The following FZD3 variants were observed in gnomAD, a reference collection of about 807,000 sequenced individuals.
FZD3 encodes frizzled class receptor 3, also known as frizzled-3.
In FZD3, 30 loss-of-function variants were observed where a neutral mutation model predicts 60.7. That is an observed-to-expected ratio of 0.49 (90% confidence interval 0.37 to 0.67). FZD3 has a LOEUF of 0.67. FZD3 is among the 30% of genes least tolerant of loss of function. The pLI, the probability that FZD3 is intolerant of heterozygous loss-of-function variation, is 0.00. For missense variants in FZD3, 605 were observed against 838.7 expected, an observed-to-expected ratio of 0.72 and a Z score of 3.44; for synonymous variants, 246 against 275.2, an observed-to-expected ratio of 0.89 and a Z score of 1.05.
intron 1 of FZD3, among the ~76,000 whole-genome samples, chr8:28,498,668 C>T (rs977268085): frequency 3.3e-5 from 5 of 152,206 alleles, no homozygotes; most frequent in Non-Finnish European, 7.3e-5. Flanking sequence ...ACCTCCACCT[C>T]TCATGTTGAA....
chr8:28,500,150 CCTT>C (rs1803950653), intron 2 of FZD3, among the ~76,000 whole-genome samples, 172 bp downstream of exon 2: 1 of 151,998 alleles, frequency 6.6e-6, no homozygotes, highest in Non-Finnish European at 1.5e-5. Flanking sequence ...CTGTTTTTTC[CCTT>C]CTTTTAATAA....
chr8:28,536,747 A>G (rs1805025933), intron 5 of FZD3, among the ~76,000 whole-genome samples: 1 of 152,156 alleles, frequency 6.6e-6, no homozygotes, highest in Non-Finnish European at 1.5e-5. Flanking sequence ...AAAAAATATT[A>G]TTTCTGTTCT....
At chr8:28,499,499 A>C (rs1252560994) in intron 1 of FZD3, among the ~76,000 whole-genome samples, 1 of 152,086 alleles carries the variant, frequency 6.6e-6, no homozygotes, top group Admixed American at 6.5e-5. Context: ...TTGGTTGTGC[A>C]TCATGTGTAC....
At chr8:28,539,903 A>T (rs971223069) in intron 5 of FZD3, among the ~76,000 whole-genome samples, 1 of 152,134 alleles carries the variant, frequency 6.6e-6, no homozygotes, top group African/African-American at 2.4e-5. Flanking sequence ...TTTCACCCTT[A>T]GCATGAGTAG....
intron 5 of FZD3, among the ~76,000 whole-genome samples, chr8:28,550,182 A>G (rs1255297268): frequency 6.6e-6 from 1 of 151,930 alleles, no homozygotes; most frequent in Non-Finnish European, 1.5e-5. Flanking sequence ...TTTCTTCTAT[A>G]ATATATCTGT....
intron 2 of FZD3, among the ~76,000 whole-genome samples, chr8:28,501,011 C>T (rs1437909640): frequency 1.3e-5 from 2 of 152,170 alleles, no homozygotes; most frequent in Non-Finnish European, 2.9e-5. Flanking sequence ...CCGCCTGCCT[C>T]GGCCTCCCAA....
chr8:28,526,902 GT>G (rs1166916281), intron 4 of FZD3, among the ~76,000 whole-genome samples: 1 of 152,060 alleles, frequency 6.6e-6, no homozygotes, highest in Non-Finnish European at 1.5e-5. Context: ...ACACAACCTT[GT>G]TTTCTTTGTC....
At chr8:28,530,710 T>A (rs923355994) in intron 5 of FZD3, among the ~76,000 whole-genome samples, 3 of 152,158 alleles carry the variant, frequency 2.0e-5, no homozygotes, top group African/African-American at 7.2e-5. Context: ...TTCCTCTTAT[T>A]CACTCCCCAG....
At chr8:28,510,432 G>A (rs1195836017) in intron 3 of FZD3, among the ~76,000 whole-genome samples, 3 of 152,142 alleles carry the variant, frequency 2.0e-5, no homozygotes, top group Non-Finnish European at 4.4e-5. Context: ...ATGTGTGAGA[G>A]TATCTGTTTC....
chr8:28,551,556 A>T, intron 5 of FZD3, 47 bp from the exon 6 acceptor site: 1 of 1,395,624 alleles, frequency 7.2e-7, no homozygotes, highest in Non-Finnish European at 1.0e-6. Context: ...CCTTTAATAG[A>T]AAGTTATTTT....
At chr8:28,521,018 AAAG>A (rs1219862955) in intron 4 of FZD3, among the ~76,000 whole-genome samples, 184 bp downstream of exon 4, 2 of 152,236 alleles carry the variant, frequency 1.3e-5, no homozygotes, top group Non-Finnish European at 2.9e-5. Context: ...ACTAAATGAA[AAAG>A]AAAACATTTC....
chr8:28,555,755 G>A lies in FZD3; in HGVS notation c.1571G>A (p.Arg524Gln), dbSNP rs200536072. 7.8e-5 allele frequency: 126 copies of A among 1,606,720 alleles called. No individual in the cohort carries two copies. Among genetic ancestry groups the A allele is most frequent in the African/African-American group, 3.5e-4 (26 of 74,862 alleles). The stretch of plus-strand genomic sequence containing the variant: ...TTGTCTAGGATAGTGAATGAGAGCC[G>A]ACAGGTACTCCAGGAACCTGATTTT... ...RRKKEIVNES[R>Q]QVLQEPDFAQ... The change falls in exon 7 of 8, where the codon CGA (arginine) becomes CAA (glutamine). Residue 524 changes from arginine (R) to glutamine (Q), a missense_variant. By Grantham distance (43) the Arg-to-Gln change is conservative (BLOSUM62 1). Coordinates refer to ENST00000240093, the MANE Select transcript of FZD3 (RefSeq NM_017412.4).
At chr8:28,514,169 T>C (rs2130324226) in intron 3 of FZD3, among the ~76,000 whole-genome samples, 1 of 152,312 alleles carries the variant, frequency 6.6e-6, no homozygotes, top group Middle Eastern at 3.4e-3. Context: ...TCAATAAGAA[T>C]CTTTATAATT....
intron 1 of FZD3, among the ~76,000 whole-genome samples, chr8:28,496,167 A>G (rs867233853): frequency 2.0e-5 from 3 of 152,238 alleles, no homozygotes; most frequent in Admixed American, 2.0e-4. Flanking sequence ...CTTTCTTTGT[A>G]TAGAACAAAG....
At chr8:28,556,874 A>C (rs1805518511) in intron 7 of FZD3, among the ~76,000 whole-genome samples, 1 of 152,172 alleles carries the variant, frequency 6.6e-6, no homozygotes, top group African/African-American at 2.4e-5. Flanking sequence ...TTTCACAGAG[A>C]AAATGTTTGA....
rs866621611 is a variant in FZD3 at position 28,574,256 on chromosome 8, C to G, written c.*11245C>G. On this transcript the variant is annotated 3_prime_UTR_variant, in exon 8 of 8. Transcript: ENST00000240093. ...AGATTTTTAATAAAATTAAATAATT[C>G]TCTTTTCTGTCATTAGTACCTGATT... The G allele has an allele frequency of 1.3e-5, 2 of 152,006 alleles. No individual in the cohort carries two copies. The highest frequency in any genetic ancestry group is 3.9e-4 in the East Asian group (2 of 5,190). The allele number at this position is 152,006 out of a possible 1,614,324, so 9.4% of individuals were successfully genotyped here. A position where few individuals can be genotyped will look rare whatever the true frequency, so the allele number is the denominator to read the frequency against.
chr8:28,529,541 A>G (rs1325485331), intron 5 of FZD3, among the ~76,000 whole-genome samples: 1 of 152,174 alleles, frequency 6.6e-6, no homozygotes, highest in African/African-American at 2.4e-5. Context: ...TTTTTAAGAC[A>G]TGGTAACAGA....
Position 28,561,849 on chromosome 8 carries a change from G to A in FZD3, c.1788-949G>A, listed in dbSNP as rs79965383. Among the ~76,000 whole-genome samples, 1,187 of 152,252 alleles carry A rather than the reference G, an allele frequency of 7.8e-3. 30 individuals carry two copies. In the East Asian group the frequency reaches 0.091, roughly 12 times the overall value. On this transcript the variant is annotated intron_variant, in intron 7 of 7. Transcript: ENST00000240093. ...AAGAGCACGCTATAAAGCCAGAATC[G>A]TTGATAAGTAGCATGCTAGCTCCAT... is the stretch of plus-strand genomic sequence containing the variant.
At chr8:28,499,668 C>G (rs137857749) in intron 1 of FZD3, among the ~76,000 whole-genome samples, 1 of 151,894 alleles carries the variant, frequency 6.6e-6, no homozygotes, top group Admixed American at 6.6e-5. Flanking sequence ...CCCTGTACTC[C>G]CACCCTATAC....
Sources: gnomAD v4.1 joint callset for allele counts (sites outside exome capture counted in the v4.1 genomes callset) on GRCh38, gnomAD v4.1.1 for gene constraint, MANE v1.5 for transcripts, NCBI Gene and HGNC (gene_info 2026-07-23, HGNC 2026-07-21) for gene names.